PCDHA10: variants seen among roughly 807,000 people sequenced by gnomAD.
The protein encoded by PCDHA10 is protocadherin alpha-10.
In PCDHA10, 45 loss-of-function variants were observed where a neutral mutation model predicts 61.2. The ratio of observed to expected loss-of-function variants is 0.74; its 90% CI spans 0.58 to 0.94. The LOEUF (loss-of-function observed/expected upper bound fraction) is 0.94, where lower values mean the gene tolerates loss of function less well. Ranked by LOEUF, PCDHA10 falls within the 40% of genes least tolerant of loss-of-function variation. The pLI, the probability that PCDHA10 is intolerant of heterozygous loss-of-function variation, is 0.00. For synonymous variants in PCDHA10, 602 were observed against 548.8 expected (o/e 1.10, Z -1.35); for missense variants, 1,278 against 1,236.2 (o/e 1.03, Z -0.51).
At position 140,968,170 on chromosome 5, in the gene PCDHA10, C is replaced by T. The variant is rs1554230457; in HGVS notation, c.2389-10779C>T. 3 of 1,614,132 alleles carry T rather than the reference C, an allele frequency of 1.9e-6. No homozygotes were observed. In the South Asian group the frequency reaches 3.3e-5, roughly 18 times the overall value. On this transcript the variant is annotated intron_variant, in intron 1 of 3. Transcript: ENST00000307360. ...CTGACATCAATGACAATCCACCAAG[C>T]TTCCTGGAGGACTCCTATTCCATCT...
Position 140,856,434 on chromosome 5 carries a change from C to A in PCDHA10, c.386C>A (p.Pro129Gln). Residue 129 changes from proline to glutamine, a missense_variant, in exon 1 of 4, where the codon CCG becomes CAG. Physicochemically the swap from Pro to Gln is moderately conservative, Grantham distance 76 (BLOSUM62 -1). Transcript: ENST00000307360. ...DVEVKDINDNPPRFSVTEQKL... is the reference protein window; with the variant it reads ...DVEVKDINDNQPRFSVTEQKL... ...GAAGTGAAGGACATTAACGACAACCCGCCCAGGTTCTCCGTAACAGAACAA... is the reference window on the plus strand; with the variant it reads ...GAAGTGAAGGACATTAACGACAACCAGCCCAGGTTCTCCGTAACAGAACAA... The A allele has an allele frequency of 1.3e-6, 2 of 1,598,320 alleles. No individual in the cohort carries two copies. The highest frequency in any genetic ancestry group is 1.7e-6 in the Non-Finnish European group (2 of 1,167,900).
chr5:140,891,708 C>A (rs1422243783), intron 1 of PCDHA10, among the ~76,000 whole-genome samples: 1 of 152,182 alleles, frequency 6.6e-6, no homozygotes, highest in Middle Eastern at 3.4e-3. Flanking sequence ...TGAATTTGTA[C>A]CCCCAAATTC....
chr5:140,978,175 G>A (rs1163383689), intron 1 of PCDHA10, among the ~76,000 whole-genome samples: 1 of 152,170 alleles, frequency 6.6e-6, no homozygotes, highest in Admixed American at 6.5e-5. Context: ...TTTGTAGAGA[G>A]AGGGCAACAG....
rs142866496 is a variant in PCDHA10, at chr5:140,917,224, G to A, written c.2388+58788G>A. Among the ~76,000 whole-genome samples, 29 of 151,040 alleles carry A rather than the reference G, an allele frequency of 1.9e-4. No homozygotes were observed. In the East Asian group the frequency reaches 2.2e-3, roughly 11 times the overall value. ...TCTTCAATGCCTCTTTTAGTGATAC[G>A]TTGTTAAATCTAGGTACTACGATTG... On this transcript the variant is annotated intron_variant, in intron 1 of 3. Transcript: ENST00000307360.
At position 140,957,560 on chromosome 5, in the gene PCDHA10, G is replaced by A. The variant is rs940495695; in HGVS notation, c.2389-21389G>A. ...TTAGAAAGTATTCTCTGTGGAAAAGGAGGGACTACTGTACTTTTAACAAAG... is the reference window on the plus strand; with the variant it reads ...TTAGAAAGTATTCTCTGTGGAAAAGAAGGGACTACTGTACTTTTAACAAAG... On this transcript the variant is annotated intron_variant, in intron 1 of 3. Transcript: ENST00000307360. 2.0e-5 allele frequency among the ~76,000 whole-genome samples: 3 copies of A among 152,074 alleles called. No homozygotes were observed. In the East Asian group the frequency reaches 5.8e-4, roughly 29 times the overall value.
chr5:140,927,920 T>G (rs782193396), intron 1 of PCDHA10: 1 of 1,614,120 alleles, frequency 6.2e-7, no homozygotes, highest in Non-Finnish European at 8.5e-7. Flanking sequence ...CTGGACTTCC[T>G]GACTCTTTCG....
Position 140,883,115 on chromosome 5 carries a change from AGGCCTGTAT to A in PCDHA10, c.2388+24686_2388+24694del, listed in dbSNP as rs2059447979. The A allele has an allele frequency of 1.9e-6, 3 of 1,613,978 alleles. No homozygotes were observed. The South Asian group carries it at 3.3e-5, about 18-fold the overall frequency. ...TGGAGATATAGTTTACTCATTTAGA[AGGCCTGTAT>A]GGCCTGCAGTGGTATATGCATTTAC... On this transcript the variant is annotated intron_variant, in intron 1 of 3. Transcript: ENST00000307360.
chr5:140,970,881 C>T (rs1316692542), intron 1 of PCDHA10, among the ~76,000 whole-genome samples: 1 of 152,050 alleles, frequency 6.6e-6, no homozygotes, highest in Non-Finnish European at 1.5e-5. Flanking sequence ...GTAGATTTTT[C>T]TCATGGACAT....
At chr5:140,941,019 C>T (rs569905763) in intron 1 of PCDHA10, among the ~76,000 whole-genome samples, 4 of 152,142 alleles carry the variant, frequency 2.6e-5, no homozygotes, top group East Asian at 1.9e-4. Context: ...TCCTATTTTC[C>T]TTCTGGCCTT....
At chr5:140,987,444 C>G (rs2097254283) in intron 3 of PCDHA10, among the ~76,000 whole-genome samples, 1 of 151,998 alleles carries the variant, frequency 6.6e-6, no homozygotes, top group African/African-American at 2.4e-5. Flanking sequence ...TCCCCATGCC[C>G]GAGAGATAAT....
chr5:140,862,537 C>G (rs56017024), intron 1 of PCDHA10: 1 of 440,558 alleles, frequency 2.3e-6, no homozygotes, highest in Non-Finnish European at 4.6e-6. Context: ...CCATCGGGTC[C>G]GTGGAAGTGG....
intron 1 of PCDHA10, chr5:140,869,685 T>G: frequency 6.2e-7 from 1 of 1,613,500 alleles, no homozygotes; most frequent in Non-Finnish European, 8.5e-7. Flanking sequence ...GACTGTCACT[T>G]ATTTTAAAGA....
At chr5:141,009,271 A>G (rs1420991909) in intron 3 of PCDHA10, among the ~76,000 whole-genome samples, 15 of 152,156 alleles carry the variant, frequency 9.9e-5, no homozygotes, top group Admixed American at 6.5e-4. Context: ...CCTGGGCAAC[A>G]TAGTGAGATC....
chr5:140,891,440 G>T (rs1583052190), intron 1 of PCDHA10, among the ~76,000 whole-genome samples: 1 of 147,558 alleles, frequency 6.8e-6, no homozygotes, highest in Admixed American at 6.9e-5. Flanking sequence ...AACGTCCATT[G>T]TATAGGATTT....
At position 140,858,185 on chromosome 5, in the gene PCDHA10, C is replaced by T; in HGVS notation, c.2137C>T (p.Leu713=). The change falls in exon 1 of 4, where the codon CTG becomes TTG. Residue 713 remains leucine, a synonymous_variant. Transcript: ENST00000307360. ...GGTGTCCAGCTTGCTGGTGCTCACGCTGCTGCTGTACACTGCACTGAGGTG... is the reference window on the plus strand; with the variant it reads ...GGTGTCCAGCTTGCTGGTGCTCACGTTGCTGCTGTACACTGCACTGAGGTG... ...CAVSSLLVLT[L]LLYTALRCSA... The T allele has an allele frequency of 6.3e-7, 1 of 1,597,454 alleles. No individual in the cohort carries two copies. Among genetic ancestry groups the T allele is most frequent in the South Asian group, 1.1e-5 (1 of 90,530 alleles).
At chr5:140,864,890 G>T (rs1554159190) in intron 1 of PCDHA10, 1 of 152,170 alleles carries the variant, frequency 6.6e-6, no homozygotes, top group Non-Finnish European at 1.5e-5. Context: ...TCATTAAGCT[G>T]CATGGTCTTC....
At chr5:140,900,674 T>C (rs782072148) in intron 1 of PCDHA10, among the ~76,000 whole-genome samples, 11 of 152,230 alleles carry the variant, frequency 7.2e-5, no homozygotes, top group African/African-American at 2.4e-4. Context: ...AGTGCAGTTA[T>C]CTCTTCAATA....
chr5:140,968,083 G>A (rs1298667830), intron 1 of PCDHA10: 1 of 1,614,006 alleles, frequency 6.2e-7, no homozygotes, highest in Non-Finnish European at 8.5e-7. Flanking sequence ...ACATCACGGT[G>A]ACAGCCACAG....
chr5:140,977,325 G>A (rs1277032974), intron 1 of PCDHA10, among the ~76,000 whole-genome samples: 1 of 152,210 alleles, frequency 6.6e-6, no homozygotes, highest in African/African-American at 2.4e-5. Context: ...TCCTGATGGC[G>A]AGGGGAGAGA....
Sources: gnomAD v4.1 joint callset for allele counts (sites outside exome capture counted in the v4.1 genomes callset) on GRCh38, gnomAD v4.1.1 for gene constraint, MANE v1.5 for transcripts, NCBI Gene and HGNC (gene_info 2026-07-23, HGNC 2026-07-21) for gene names.